The following AKR1C4 variants were observed in gnomAD, a reference collection of about 807,000 sequenced individuals.
AKR1C4 encodes 3-alpha-HSD1.
AKR1C4 carries 44 observed loss-of-function variants against 41.0 expected under a neutral mutation model. That is an observed-to-expected ratio of 1.07 (90% CI 0.84 to 1.38). The LOEUF is 1.38. Ranked by LOEUF, AKR1C4 falls within the 40% of genes most tolerant of loss-of-function variation. The probability of loss-of-function intolerance (pLI) is 0.00; values close to 1 mark genes in which losing one functional copy is unlikely to be tolerated. For missense variants in AKR1C4, 438 were observed against 387.9 expected (o/e 1.13, Z -1.09); for synonymous variants, 165 against 137.7 (o/e 1.20, Z -1.39).
At chr10:5,218,277 A>G (rs1355563923) in intron 8 of AKR1C4, among the ~76,000 whole-genome samples, 3 of 152,244 alleles carry the variant, frequency 2.0e-5, no homozygotes, top group Admixed American at 1.3e-4. Context: ...TAATGAATAC[A>G]TTCTTTTAAA....
intron 7 of AKR1C4, 134 bp from the exon 8 acceptor site, chr10:5,216,577 T>G: frequency 1.6e-6 from 1 of 614,262 alleles, no homozygotes; most frequent in Non-Finnish European, 2.9e-6. Context: ...AGTTTAGAGA[T>G]GGTCTTTCAT....
Position 5,218,794 on chromosome 10 carries a change from C to T in AKR1C4, c.*34C>T, listed in dbSNP as rs782562964. On this transcript the variant is annotated 3_prime_UTR_variant, in exon 9 of 9. Coordinates refer to ENST00000263126, the MANE Select transcript of AKR1C4 (RefSeq NM_001818.5). Reference sequence around the variant, plus strand: ...GTGTTGCACGACATCTAGCAGAAGGCCCTGTGTGTGGATGGTGATGCAGAG... The same window carrying T: ...GTGTTGCACGACATCTAGCAGAAGGTCCTGTGTGTGGATGGTGATGCAGAG... 2 of 1,579,156 alleles carry T rather than the reference C, an allele frequency of 1.3e-6. No individual in the cohort carries two copies. Among genetic ancestry groups the T allele is most frequent in the South Asian group, 2.2e-5 (2 of 90,246 alleles).
chr10:5,205,866 GAAGAC>G, intron 4 of AKR1C4, 32 bp downstream of exon 4: 1 of 1,587,272 alleles, frequency 6.3e-7, no homozygotes, highest in African/African-American at 1.3e-5. Flanking sequence ...TACAGAAAAG[GAAGAC>G]AAGAAGAGGT....
Position 5,216,805 on chromosome 10 carries a change from T to C in AKR1C4, c.929+12T>C. ...GTTGTCATGGATTTGTAAGTAACTT[T>C]GGAAAATGGGTTTCCCAGTTTATTT... is the stretch of plus-strand genomic sequence containing the variant. On this transcript the variant is annotated intron_variant, in intron 8 of 8. Coordinates refer to ENST00000263126, the MANE Select transcript of AKR1C4 (RefSeq NM_001818.5). 3 of 1,589,144 alleles carry C rather than the reference T, an allele frequency of 1.9e-6. No individual in the cohort carries two copies. The highest frequency in any genetic ancestry group is 2.6e-6 in the Non-Finnish European group (3 of 1,160,258).
rs1554798550 is a variant in AKR1C4 at position 5,216,740 on chromosome 10, T to C, written c.876T>C (p.Asp292=). 5.0e-6 allele frequency: 8 copies of C among 1,612,500 alleles called. No homozygotes were observed. Among genetic ancestry groups the C allele is most frequent in the Non-Finnish European group, 5.9e-6 (7 of 1,179,010 alleles). Residue 292 remains aspartate, a synonymous_variant, in exon 8 of 9, where the codon GAT becomes GAC. Coordinates refer to ENST00000263126, the MANE Select transcript of AKR1C4 (RefSeq NM_001818.5). ...QVFEFQLTSE[D]MKVLDGLNRN... ...TTGAATTCCAGTTGACATCAGAGGA[T>C]ATGAAAGTTCTAGATGGTCTAAACA...
At chr10:5,207,221 A>T in intron 5 of AKR1C4, 1 of 182,114 alleles carries the variant, frequency 5.5e-6, no homozygotes, top group Non-Finnish European at 1.2e-5. Context: ...CCTTCACTTC[A>T]GTCCTTCCAC....
chr10:5,213,284 T>C, intron 7 of AKR1C4, 125 bp downstream of exon 7: 4 of 1,443,366 alleles, frequency 2.8e-6, no homozygotes, highest in Non-Finnish European at 3.7e-6. Context: ...ACAAATGCTT[T>C]GTGTGCATAA....
At chr10:5,213,238 C>A (rs1832605739) in intron 7 of AKR1C4, 79 bp downstream of exon 7, 6 of 1,567,540 alleles carry the variant, frequency 3.8e-6, no homozygotes, top group Non-Finnish European at 4.3e-6. Flanking sequence ...TCAGGACACC[C>A]TTGGACTAAG....
At chr10:5,199,460 C>T (rs1832362446) in intron 1 of AKR1C4, among the ~76,000 whole-genome samples, 2 of 152,140 alleles carry the variant, frequency 1.3e-5, no homozygotes, top group South Asian at 4.1e-4. Flanking sequence ...CCAAGACCAC[C>T]CTGGCCTGCC....
intron 2 of AKR1C4, 88 bp downstream of exon 2, chr10:5,200,436 G>A: frequency 2.0e-6 from 3 of 1,500,662 alleles, no homozygotes; most frequent in East Asian, 4.7e-5. Context: ...AGTAGTTGTG[G>A]GTGAATTGTG....
intron 2 of AKR1C4, among the ~76,000 whole-genome samples, chr10:5,202,920 A>AT (rs1477589218): frequency 1.4e-5 from 2 of 139,304 alleles, no homozygotes; most frequent in African/African-American, 5.5e-5. Context: ...CATCAGGGAG[A>AT]TTGGTCTATA....
At chr10:5,209,144 T>C (rs1043152009) in intron 5 of AKR1C4, among the ~76,000 whole-genome samples, 7 of 152,184 alleles carry the variant, frequency 4.6e-5, no homozygotes, top group Non-Finnish European at 1.0e-4. Flanking sequence ...GATGCTAATT[T>C]TGATCACTTG....
chr10:5,218,723 TG>T lies in AKR1C4; in HGVS notation c.937del (p.Asp313ThrfsTer29). On this transcript the variant is annotated frameshift_variant, in exon 9 of 9. Coordinates refer to ENST00000263126, the MANE Select transcript of AKR1C4 (RefSeq NM_001818.5). LOFTEE classifies it high-confidence loss of function. Reference sequence around the variant, plus strand: ...ACTATCCTTTCTCTTTTCAGTCTTATGGACCATCCTGATTATCCATTTTCAG... The same window carrying T: ...ACTATCCTTTCTCTTTTCAGTCTTATGACCATCCTGATTATCCATTTTCAG... The part of the protein sequence containing the change: ...NYRYVVMDFL[M>X]DHPDYPFSDE... 1 of 1,600,004 alleles carries T rather than the reference TG, an allele frequency of 6.2e-7. No individual in the cohort carries two copies. The highest frequency in any genetic ancestry group is 8.6e-7 in the Non-Finnish European group (1 of 1,167,084).
chr10:5,210,758 C>G (rs541342230), intron 5 of AKR1C4, among the ~76,000 whole-genome samples: 1 of 152,066 alleles, frequency 6.6e-6, no homozygotes, highest in Admixed American at 6.5e-5. Context: ...ATTACAGGCA[C>G]GTGCCACCAC....
intron 7 of AKR1C4, among the ~76,000 whole-genome samples, chr10:5,216,005 T>C (rs529754161): frequency 6.6e-6 from 1 of 152,196 alleles, no homozygotes; most frequent in African/African-American, 2.4e-5. Flanking sequence ...CGAGGCCAGA[T>C]AAAATATGCC....
intron 7 of AKR1C4, among the ~76,000 whole-genome samples, chr10:5,213,372 TCA>T (rs111648698): frequency 0.11 from 17,137 of 152,148 alleles, 1,171 homozygotes; most frequent in Admixed American, 0.17. Context: ...AATTTTGGTT[TCA>T]CAACATAAAG....
chr10:5,212,443 T>C (rs1394110040), intron 5 of AKR1C4, among the ~76,000 whole-genome samples, 173 bp from the exon 6 acceptor site: 1 of 152,254 alleles, frequency 6.6e-6, no homozygotes, highest in African/African-American at 2.4e-5. Context: ...AAATAACATT[T>C]CTATATATAC....
chr10:5,204,460 CCT>C lies in AKR1C4; in HGVS notation c.339_340del (p.Tyr114SerfsTer12). The C allele has an allele frequency of 6.2e-7, 1 of 1,613,512 alleles. No individual in the cohort carries two copies. The highest frequency in any genetic ancestry group is 1.1e-5 in the South Asian group (1 of 91,050). ...LKKLQLDYVD[L>X]YLLHFPMALK... ...AAAAACTTCAACTGGACTATGTTGA[CCT>C]CTATCTTCTTCATTTCCCAATGGCT... On this transcript the variant is annotated frameshift_variant, in exon 3 of 9. Transcript: ENST00000263126. LOFTEE classifies it high-confidence loss of function.
chr10:5,200,392 G>A lies in AKR1C4; in HGVS notation c.252+44G>A, dbSNP rs781824631. ...GCATGTATGCACATGTGTTTAATGG[G>A]ATTGTGTGGAGATGACAATTCTGTA... On this transcript the variant is annotated intron_variant, in intron 2 of 8. Coordinates refer to ENST00000263126, the MANE Select transcript of AKR1C4 (RefSeq NM_001818.5). 3.2e-6 allele frequency: 5 copies of A among 1,571,138 alleles called. No individual in the cohort carries two copies. The South Asian group carries it at 4.9e-5, about 15-fold the overall frequency.
Sources: allele counts gnomAD v4.1 joint callset (sites outside exome capture counted in the v4.1 genomes callset), GRCh38; gene constraint gnomAD v4.1.1; transcripts MANE v1.5; gene names NCBI Gene and HGNC (gene_info 2026-07-23, HGNC 2026-07-21).